The following PTPRN2 variants were observed in gnomAD, a reference collection of about 807,000 sequenced individuals.
The protein encoded by PTPRN2 is receptor-type tyrosine-protein phosphatase N2.
A neutral mutation model predicts 118.8 loss-of-function variants in PTPRN2; 74 were observed. The ratio of observed to expected loss-of-function variants is 0.62; its 90% CI spans 0.52 to 0.76. PTPRN2 has a LOEUF of 0.76. Among genes scored for constraint, PTPRN2 ranks in the 30% least tolerant of loss-of-function variants. PTPRN2 has a pLI of 0.00. For missense variants in PTPRN2, 1,481 were observed against 1,394.4 expected (o/e 1.06, Z -0.99); for synonymous variants, 641 against 608.0 (o/e 1.05, Z -0.80).
intron 4 of PTPRN2, among the ~76,000 whole-genome samples, chr7:158,201,213 T>G (rs1826623695): frequency 6.6e-6 from 1 of 152,090 alleles, no homozygotes; most frequent in South Asian, 2.1e-4. Flanking sequence ...AAAGAAAACG[T>G]ACGTTTACAA....
At chr7:158,122,065 C>T (rs1225717655) in intron 9 of PTPRN2, among the ~76,000 whole-genome samples, 2 of 152,196 alleles carry the variant, frequency 1.3e-5, no homozygotes, top group Non-Finnish European at 2.9e-5. Context: ...GCAGGTGCGA[C>T]GTGCTGTGTC....
At chr7:157,576,283 C>T (rs1800035845) in intron 19 of PTPRN2, among the ~76,000 whole-genome samples, 1 of 152,200 alleles carries the variant, frequency 6.6e-6, no homozygotes, top group South Asian at 2.1e-4. Context: ...AACTGAACAT[C>T]CGAGCTTTAT....
chr7:157,805,557 C>T (rs901480507), intron 12 of PTPRN2, among the ~76,000 whole-genome samples: 3 of 152,218 alleles, frequency 2.0e-5, no homozygotes, highest in African/African-American at 2.4e-5. Flanking sequence ...AACATGTATT[C>T]GACGTAAACT....
rs530193984 is a variant in PTPRN2, at chr7:158,526,068, G to A, written c.113-36283C>T. Among the ~76,000 whole-genome samples the A allele has an allele frequency of 9.2e-5, 14 of 152,276 alleles. No individual in the cohort carries two copies. In the East Asian group the frequency reaches 1.7e-3, roughly 19 times the overall value. ...GTGCAGTCCTTCCTTCCTCAGCAGC[G>A]CTGTGTGGGAAGGGGGACTATCTGC... On this transcript the variant is annotated intron_variant, in intron 1 of 22. Coordinates refer to ENST00000389418, the MANE Select transcript of PTPRN2 (RefSeq NM_002847.5). This position sits in a 1 kb window ranked among gnomAD's most constrained non-coding sequence, Gnocchi z 5.2.
At chr7:158,320,187 TCGTACACACACAGCCTCCCTCA>T (rs1563134177) in intron 2 of PTPRN2, among the ~76,000 whole-genome samples, 5 of 106,308 alleles carry the variant, frequency 4.7e-5, no homozygotes, top group African/African-American at 1.3e-4. Context: ...ACAGCCTCCC[TCGTACACACACAGCCTCCCTCA>T]CACACACACA....
chr7:158,354,255 CCAGA>C (rs1051582871), intron 2 of PTPRN2, among the ~76,000 whole-genome samples: 26 of 152,020 alleles, frequency 1.7e-4, no homozygotes, highest in Admixed American at 1.6e-3. Context: ...ACCAAAACAC[CCAGA>C]CAGAGAAGAG....
chr7:158,512,709 G>T (rs2129447144), intron 1 of PTPRN2, among the ~76,000 whole-genome samples: 1 of 152,212 alleles, frequency 6.6e-6, no homozygotes, highest in East Asian at 1.9e-4. Context: ...TTGGAGAAAT[G>T]GCTAATTCTA....
At chr7:157,657,653 C>A in intron 13 of PTPRN2, among the ~76,000 whole-genome samples, 1 of 125,498 alleles carries the variant, frequency 8.0e-6, no homozygotes, top group Non-Finnish European at 1.7e-5. Context: ...CACACATATA[C>A]ACACACATAC....
rs1031060709 is a variant in PTPRN2 at position 157,953,850 on chromosome 7, C to T, written c.1724-55113G>A. On this transcript the variant is annotated intron_variant, in intron 11 of 22. Coordinates refer to ENST00000389418, the MANE Select transcript of PTPRN2 (RefSeq NM_002847.5). This position sits in a 1 kb window ranked among gnomAD's most constrained non-coding sequence, Gnocchi z 4.6. ...AAGAGCGGTGCTGGAGAAATGTAAGCAAATCCGCATTTCGAAGCAGAAATC... is the reference window on the plus strand; with the variant it reads ...AAGAGCGGTGCTGGAGAAATGTAAGTAAATCCGCATTTCGAAGCAGAAATC... Among the ~76,000 whole-genome samples, 1 of 152,120 alleles carries T rather than the reference C, an allele frequency of 6.6e-6. No individual in the cohort carries two copies. Among genetic ancestry groups the T allele is most frequent in the African/African-American group, 2.4e-5 (1 of 41,436 alleles).
chr7:157,799,854 C>T (rs1268859594), intron 12 of PTPRN2, among the ~76,000 whole-genome samples: 1 of 126,598 alleles, frequency 7.9e-6, no homozygotes, highest in African/African-American at 3.5e-5. Flanking sequence ...AGAGGCACCA[C>T]AGCCGGCCCC....
intron 6 of PTPRN2, among the ~76,000 whole-genome samples, chr7:158,155,460 CCAT>C (rs1222475914): frequency 1.3e-4 from 20 of 151,042 alleles, no homozygotes; most frequent in African/African-American, 2.4e-4. Flanking sequence ...ACCATCATCA[CCAT>C]CATCATCACC....
Position 158,133,976 on chromosome 7 carries a change from C to T in PTPRN2, c.1257G>A (p.Arg419=), listed in dbSNP as rs760463229. 1 of 1,613,906 alleles carries T rather than the reference C, an allele frequency of 6.2e-7. No homozygotes were observed. Among genetic ancestry groups the T allele is most frequent in the Non-Finnish European group, 8.5e-7 (1 of 1,180,052 alleles). Residue 419 remains arginine, a synonymous_variant, in exon 9 of 23, where the codon AGG becomes AGA. Transcript: ENST00000389418. Reference sequence around the variant, plus strand: ...ACTTCTTCCTCTCCATGTCGAGGGGCCTTGCAAAGGGGAGGGCTCCAGGTA... The same window carrying T: ...ACTTCTTCCTCTCCATGTCGAGGGGTCTTGCAAAGGGGAGGGCTCCAGGTA... ...RLLPGALPFA[R]PLDMERKKSE...
intron 11 of PTPRN2, among the ~76,000 whole-genome samples, chr7:157,921,522 G>T (rs1272524974): frequency 6.6e-6 from 1 of 152,238 alleles, no homozygotes; most frequent in Non-Finnish European, 1.5e-5. Context: ...AGTGTTGGAG[G>T]TGGGGCCTTT....
At chr7:157,911,285 T>A (rs1798090754) in intron 11 of PTPRN2, among the ~76,000 whole-genome samples, 1 of 152,196 alleles carries the variant, frequency 6.6e-6, no homozygotes, top group Admixed American at 6.5e-5. Flanking sequence ...GATGAAAAGA[T>A]GCCCCCTTAG....
chr7:157,669,860 C>G (rs947526706), intron 13 of PTPRN2, among the ~76,000 whole-genome samples: 1 of 152,144 alleles, frequency 6.6e-6, no homozygotes. Flanking sequence ...CGAGGCCGGG[C>G]TCCGGGCATC....
At chr7:158,148,976 C>T (rs62480229) in intron 6 of PTPRN2, among the ~76,000 whole-genome samples, 1 of 55,596 alleles carries the variant, frequency 1.8e-5, no homozygotes, top group Non-Finnish European at 4.0e-5. Flanking sequence ...CAATGACACC[C>T]CATCTCACGC....
At chr7:158,324,041 A>ACGCT (rs1563138722) in intron 2 of PTPRN2, among the ~76,000 whole-genome samples, 3 of 151,874 alleles carry the variant, frequency 2.0e-5, no homozygotes, top group African/African-American at 4.8e-5. Context: ...GAGCACGTAC[A>ACGCT]CACACATTTG....
intron 3 of PTPRN2, among the ~76,000 whole-genome samples, chr7:158,311,724 A>T (rs1801751559): frequency 6.6e-6 from 1 of 152,262 alleles, no homozygotes; most frequent in African/African-American, 2.4e-5. Flanking sequence ...GACAGGCAGA[A>T]GCACAGGATC....
chr7:157,995,582 C>T (rs951462749), intron 11 of PTPRN2, among the ~76,000 whole-genome samples: 1 of 152,240 alleles, frequency 6.6e-6, no homozygotes, highest in African/African-American at 2.4e-5. Flanking sequence ...GGCAGCAAAC[C>T]TGCAGTCTTA....
Sources: gnomAD v4.1 joint callset for allele counts (sites outside exome capture counted in the v4.1 genomes callset) on GRCh38, gnomAD v4.1.1 for gene constraint, Gnocchi (gnomAD v3.1) non-coding constraint, MANE v1.5 for transcripts, NCBI Gene and HGNC (gene_info 2026-07-23, HGNC 2026-07-21) for gene names.